PRKG1: variants seen among roughly 807,000 people sequenced by gnomAD.
The protein encoded by PRKG1 is protein kinase cGMP-dependent 1, also known as cGMP-dependent protein kinase 1.
PRKG1 carries 35 observed loss-of-function variants against 88.1 expected under a neutral mutation model. The observed-to-expected ratio is 0.40, with a 90% confidence interval of 0.30 to 0.53. The LOEUF (loss-of-function observed/expected upper bound fraction) is 0.53. PRKG1 is among the 20% of genes least tolerant of loss of function. The pLI, the probability that PRKG1 is intolerant of heterozygous loss-of-function variation, is 0.59. For missense variants in PRKG1, 540 were observed against 839.8 expected (o/e 0.64, Z 4.41); for synonymous variants, 303 against 292.5 (o/e 1.04, Z -0.37).
At chr10:51,755,730 C>T (rs760763155) in intron 3 of PRKG1, among the ~76,000 whole-genome samples, 2 of 152,202 alleles carry the variant, frequency 1.3e-5, no homozygotes, top group Non-Finnish European at 2.9e-5. Flanking sequence ...CCTGAAATAA[C>T]ACTGGCATCA....
At chr10:51,113,852 G>A (rs1244081071) in intron 1 of PRKG1, among the ~76,000 whole-genome samples, 3 of 151,604 alleles carry the variant, frequency 2.0e-5, no homozygotes, top group Non-Finnish European at 2.9e-5. Flanking sequence ...AGCAGTTGGC[G>A]TTGCACCTAT....
At chr10:51,796,272 T>C (rs7902238) in intron 3 of PRKG1, among the ~76,000 whole-genome samples, 60,626 of 151,930 alleles carry the variant, frequency 0.4, 12,821 homozygotes, top group Middle Eastern at 0.53. Flanking sequence ...TATAATTTTA[T>C]ATTTTCTGGT....
At position 51,524,038 on chromosome 10, in the gene PRKG1, G is replaced by A. The variant is rs193141755; in HGVS notation, c.592+56202G>A. On this transcript the variant is annotated intron_variant, in intron 3 of 17. Coordinates refer to ENST00000373980, the MANE Select transcript of PRKG1 (RefSeq NM_006258.4). Reference sequence around the variant, plus strand: ...TGTTCTCGTGATAGTGAGTTCTCAAGAGGTCTGGTTGTTTAGAAGTTTGTG... The same window carrying A: ...TGTTCTCGTGATAGTGAGTTCTCAAAAGGTCTGGTTGTTTAGAAGTTTGTG... 1.1e-3 allele frequency among the ~76,000 whole-genome samples: 173 copies of A among 152,174 alleles called. 1 individual carries two copies. The highest frequency in any genetic ancestry group is 3.8e-3 in the African/African-American group (157 of 41,508).
intron 5 of PRKG1, among the ~76,000 whole-genome samples, chr10:51,965,275 C>T (rs1843540562): frequency 6.6e-6 from 1 of 152,102 alleles, no homozygotes; most frequent in African/African-American, 2.4e-5. Context: ...TGTAGTTCCT[C>T]ACTATGTGTC....
chr10:51,734,879 T>C (rs200237263), intron 3 of PRKG1, among the ~76,000 whole-genome samples: 1 of 64,422 alleles, frequency 1.6e-5, no homozygotes, highest in Admixed American at 1.3e-4. Flanking sequence ...CATGGAAACA[T>C]ATAGGCTCAT....
At chr10:51,752,664 AC>A (rs1472289797) in intron 3 of PRKG1, among the ~76,000 whole-genome samples, 1 of 152,076 alleles carries the variant, frequency 6.6e-6, no homozygotes, top group African/African-American at 2.4e-5. Flanking sequence ...TTTTGTCGTT[AC>A]CGTTTGTTTT....
At chr10:52,127,751 A>T (rs1589630793) in intron 7 of PRKG1, among the ~76,000 whole-genome samples, 2 of 152,250 alleles carry the variant, frequency 1.3e-5, no homozygotes, top group East Asian at 3.9e-4. Flanking sequence ...TGCAAGCATG[A>T]TTAGAAGGTA....
intron 3 of PRKG1, among the ~76,000 whole-genome samples, chr10:51,481,965 A>G (rs940247201): frequency 2.0e-5 from 3 of 152,164 alleles, no homozygotes; most frequent in South Asian, 4.1e-4. Context: ...TAGTTCATAT[A>G]CAATAATTCT....
chr10:52,039,616 C>A (rs965561897), intron 5 of PRKG1, among the ~76,000 whole-genome samples: 1 of 152,052 alleles, frequency 6.6e-6, no homozygotes, highest in African/African-American at 2.4e-5. Flanking sequence ...TGCTAGTAAC[C>A]CTCTGACTGC....
At chr10:51,289,605 G>C (rs1840530862) in intron 2 of PRKG1, among the ~76,000 whole-genome samples, 1 of 151,752 alleles carries the variant, frequency 6.6e-6, no homozygotes, top group Non-Finnish European at 1.5e-5. Context: ...AGGATACTTG[G>C]GAAACACAGT....
chr10:51,544,490 A>G (rs1038756201), intron 3 of PRKG1, among the ~76,000 whole-genome samples: 6 of 151,904 alleles, frequency 3.9e-5, no homozygotes, highest in Non-Finnish European at 7.4e-5. Flanking sequence ...AGTCTTTGCT[A>G]TTGTGAATAG....
intron 3 of PRKG1, among the ~76,000 whole-genome samples, chr10:51,565,538 A>G (rs1409080726): frequency 1.3e-5 from 2 of 152,150 alleles, no homozygotes; most frequent in Non-Finnish European, 2.9e-5. Flanking sequence ...CTGGGTGTAG[A>G]AGCCTGAAGG....
chr10:51,470,776 A>T (rs1840028923), intron 3 of PRKG1, among the ~76,000 whole-genome samples: 3 of 151,918 alleles, frequency 2.0e-5, no homozygotes, highest in Admixed American at 2.0e-4. Context: ...AGATTGACAT[A>T]TGCTATAAAA....
intron 7 of PRKG1, among the ~76,000 whole-genome samples, chr10:52,113,881 G>A (rs1487745860): frequency 6.6e-6 from 1 of 152,134 alleles, no homozygotes; most frequent in African/African-American, 2.4e-5. Flanking sequence ...TGTCTTGTGA[G>A]CCACTGTGAA....
At chr10:51,452,500 A>G (rs1423936119) in intron 2 of PRKG1, among the ~76,000 whole-genome samples, 1 of 151,932 alleles carries the variant, frequency 6.6e-6, no homozygotes, top group Non-Finnish European at 1.5e-5. Context: ...TTTAATCATA[A>G]AGGAATGGCA....
At position 52,157,306 on chromosome 10, in the gene PRKG1, G is replaced by GAGATATATATATATAT. The variant is rs1289803162; in HGVS notation, c.1002-4582_1002-4581insGATATATATATATATA. Reference sequence around the variant, plus strand: ...TATATATATTGTGTGTGAGTTAGTTGATATATATATATATATATATATATA... The same window carrying GAGATATATATATATAT: ...TATATATATTGTGTGTGAGTTAGTTGAGATATATATATATATATATATATATATATATATATATATA... On this transcript the variant is annotated intron_variant, in intron 8 of 17. Coordinates refer to ENST00000373980, the MANE Select transcript of PRKG1 (RefSeq NM_006258.4). Among the ~76,000 whole-genome samples, 524 of 125,792 alleles carry GAGATATATATATATAT rather than the reference G, an allele frequency of 4.2e-3. 7 individuals carry two copies. Among genetic ancestry groups the GAGATATATATATATAT allele is most frequent in the East Asian group, 0.013 (50 of 3,762 alleles). 82.5% of individuals were successfully genotyped at this position (125,792 alleles called of 152,430 possible).
intron 1 of PRKG1, among the ~76,000 whole-genome samples, chr10:51,032,503 A>G (rs1321229499): frequency 1.3e-5 from 2 of 152,170 alleles, no homozygotes; most frequent in Non-Finnish European, 2.9e-5. Flanking sequence ...TCACACCTGT[A>G]ATCCCAGCAC....
chr10:51,169,209 T>TTATGGTTTAATATGAA (rs1846630607), intron 2 of PRKG1, among the ~76,000 whole-genome samples: 5 of 152,166 alleles, frequency 3.3e-5, no homozygotes, highest in Admixed American at 2.0e-4. Context: ...ACTTCTCTAA[T>TTATGGTTTAATATGAA]ACCATAATGT....
chr10:51,409,238 CCT>C (rs1182013140), intron 2 of PRKG1, among the ~76,000 whole-genome samples: 1 of 152,118 alleles, frequency 6.6e-6, no homozygotes, highest in East Asian at 1.9e-4. Context: ...GTCTTGTCTT[CCT>C]CTGTCAACTG....
Sources: allele counts gnomAD v4.1 joint callset (sites outside exome capture counted in the v4.1 genomes callset), GRCh38; gene constraint gnomAD v4.1.1; transcripts MANE v1.5; gene names NCBI Gene and HGNC (gene_info 2026-07-23, HGNC 2026-07-21).